Variants in ANK1 observed in about 807,000 individuals in gnomAD.
ANK1 encodes ankyrin 1.
A neutral mutation model predicts 210.4 loss-of-function variants in ANK1; 51 were observed. The observed-to-expected ratio is 0.24, with a 90% confidence interval of 0.19 to 0.31. The LOEUF (loss-of-function observed/expected upper bound fraction) is 0.31, where lower values mean the gene tolerates loss of function less well. Among genes scored for constraint, ANK1 ranks in the 10% least tolerant of loss-of-function variants. ANK1 has a pLI of 1.00. For missense variants in ANK1, 2,051 were observed against 2,504.4 expected (o/e 0.82, Z 3.86); for synonymous variants, 967 against 1,025.9 (o/e 0.94, Z 1.10).
At chr8:41,866,143 T>C (rs1341825017) in intron 1 of ANK1, among the ~76,000 whole-genome samples, 1 of 152,230 alleles carries the variant, frequency 6.6e-6, no homozygotes, top group Non-Finnish European at 1.5e-5. Flanking sequence ...TCTCTTAGGA[T>C]ATCATGCCTT....
chr8:41,851,259 C>T (rs1009037224), intron 1 of ANK1, among the ~76,000 whole-genome samples: 34 of 152,222 alleles, frequency 2.2e-4, no homozygotes, highest in Middle Eastern at 3.2e-3. Flanking sequence ...TTCTCTTCCT[C>T]CCTTGAAGCT....
intron 1 of ANK1, among the ~76,000 whole-genome samples, chr8:41,885,509 C>T (rs567452441): frequency 1.5e-3 from 232 of 152,336 alleles, no homozygotes; most frequent in African/African-American, 5.4e-3. Context: ...CCAGACATTG[C>T]TCCATGTCGG....
intron 29 of ANK1, 33 bp downstream of exon 29, chr8:41,693,865 C>A (rs768093486): frequency 1.9e-6 from 3 of 1,576,620 alleles, no homozygotes; most frequent in African/African-American, 1.3e-5. Context: ...CTGCAGCAGC[C>A]GAGAACAGAA....
chr8:41,695,600 A>G (rs1051876996), intron 26 of ANK1, among the ~76,000 whole-genome samples: 6 of 152,218 alleles, frequency 3.9e-5, no homozygotes, highest in African/African-American at 1.2e-4. Flanking sequence ...CCTACGACCT[A>G]AAGATCCTGT....
chr8:41,821,539 C>T (rs1281924405), intron 1 of ANK1, among the ~76,000 whole-genome samples: 3 of 152,134 alleles, frequency 2.0e-5, no homozygotes, highest in South Asian at 2.1e-4. Flanking sequence ...CACATGCATG[C>T]GTCAAAGGCC....
chr8:41,840,240 T>G (rs1218794791), intron 1 of ANK1: 2 of 152,216 alleles, frequency 1.3e-5, no homozygotes, highest in South Asian at 4.2e-4. Flanking sequence ...GATGCTGAAC[T>G]TAGTGTGGGC....
At chr8:41,822,412 C>A (rs1017985977) in intron 1 of ANK1, among the ~76,000 whole-genome samples, 4 of 152,186 alleles carry the variant, frequency 2.6e-5, no homozygotes, top group Admixed American at 2.6e-4. Flanking sequence ...AGTACAATCT[C>A]TAAACTTTTA....
chr8:41,702,179 G>C, intron 20 of ANK1, 35 bp from the exon 21 acceptor site: 1 of 1,575,680 alleles, frequency 6.3e-7, no homozygotes, highest in Non-Finnish European at 8.7e-7. Flanking sequence ...AGTCAGACAG[G>C]GGATGGAGTC....
chr8:41,829,934 T>C (rs371197944), intron 1 of ANK1: 1 of 26,624 alleles, frequency 3.8e-5, no homozygotes, highest in Non-Finnish European at 6.8e-5. Context: ...AGACTCTGTC[T>C]CAAAAAAAAA....
intron 1 of ANK1, among the ~76,000 whole-genome samples, chr8:41,871,611 G>C (rs917069155): frequency 5.3e-5 from 8 of 152,180 alleles, no homozygotes; most frequent in African/African-American, 1.4e-4. Context: ...GGAGCCAGGA[G>C]AGGGGCCTGG....
chr8:41,770,620 T>C (rs57958686), intron 1 of ANK1, among the ~76,000 whole-genome samples: 4,087 of 152,336 alleles, frequency 0.027, 188 homozygotes, highest in African/African-American at 0.09. Flanking sequence ...GGAAAGATGC[T>C]GAAGTATTAT....
intron 1 of ANK1, among the ~76,000 whole-genome samples, chr8:41,863,803 C>T (rs1255217469): frequency 6.6e-6 from 1 of 152,184 alleles, no homozygotes; most frequent in African/African-American, 2.4e-5. Flanking sequence ...GGCTCCCCTA[C>T]CTCCCACAAT....
At chr8:41,708,441 A>C (rs1226658605) in intron 17 of ANK1, among the ~76,000 whole-genome samples, 2 of 152,192 alleles carry the variant, frequency 1.3e-5, no homozygotes, top group Non-Finnish European at 2.9e-5. Flanking sequence ...AAATGACAGA[A>C]TGCACTCCTG....
At chr8:41,698,634 C>T (rs1035762691) in intron 23 of ANK1, among the ~76,000 whole-genome samples, 4 of 152,198 alleles carry the variant, frequency 2.6e-5, no homozygotes, top group Admixed American at 1.3e-4. Context: ...CTGTGCCCCA[C>T]AGTGAGATAA....
At chr8:41,723,399 GA>G in intron 8 of ANK1, 135 bp downstream of exon 8, 3 of 1,191,856 alleles carry the variant, frequency 2.5e-6, no homozygotes, top group Non-Finnish European at 3.7e-6. Flanking sequence ...GCACTGCCCA[GA>G]ATACTGCTGC....
intron 37 of ANK1, among the ~76,000 whole-genome samples, chr8:41,674,126 C>T (rs1032743543): frequency 2.6e-5 from 4 of 151,980 alleles, no homozygotes; most frequent in African/African-American, 7.2e-5. Context: ...CCTCAGCCTC[C>T]GCTCGGGGCC....
At chr8:41,896,374 G>T in exon 1 of ANK1, 2 of 1,599,066 alleles carry the variant, frequency 1.3e-6, no homozygotes, top group Non-Finnish European at 1.7e-6. Flanking sequence ...TCGGTCACGG[G>T]AGCGGTTTCT....
rs142083035 is a variant in ANK1, at chr8:41,697,333, G to C, written c.2638-560C>G. On this transcript the variant is annotated intron_variant, in intron 24 of 42. Coordinates refer to ENST00000289734, the MANE Select transcript of ANK1 (RefSeq NM_000037.4). ...AACGCTGCAACTACAGGGATGCCAGGCTGCCCTGGCACAGCCAGCAGCACC... is the reference window on the plus strand; with the variant it reads ...AACGCTGCAACTACAGGGATGCCAGCCTGCCCTGGCACAGCCAGCAGCACC... 3.6e-3 allele frequency among the ~76,000 whole-genome samples: 555 copies of C among 152,290 alleles called. 4 individuals carry two copies. Among genetic ancestry groups the C allele is most frequent in the Non-Finnish European group, 5.2e-3 (356 of 68,018 alleles).
At chr8:41,839,861 A>G (rs1412580395) in intron 1 of ANK1, among the ~76,000 whole-genome samples, 3 of 152,236 alleles carry the variant, frequency 2.0e-5, no homozygotes, top group Non-Finnish European at 4.4e-5. Context: ...GGAAATCCGA[A>G]TAATGTATGG....
Sources: gnomAD v4.1 joint callset for allele counts (sites outside exome capture counted in the v4.1 genomes callset) on GRCh38, gnomAD v4.1.1 for gene constraint, MANE v1.5 for transcripts, NCBI Gene and HGNC (gene_info 2026-07-23, HGNC 2026-07-21) for gene names.